ZC3H7B: variants seen among roughly 807,000 people sequenced by gnomAD.
ZC3H7B encodes zinc finger CCCH-type containing 7B.
A neutral mutation model predicts 116.0 loss-of-function variants in ZC3H7B; 35 were observed. The observed-to-expected ratio is 0.30, with a 90% CI of 0.23 to 0.40. ZC3H7B has a LOEUF of 0.40. Among genes scored for constraint, ZC3H7B ranks in the 10% least tolerant of loss-of-function variants. ZC3H7B has a pLI of 1.00. For synonymous variants in ZC3H7B, 502 were observed against 545.6 expected (o/e 0.92, Z 1.11); for missense variants, 1,011 against 1,321.5 (o/e 0.77, Z 3.64).
chr22:41,350,319 G>C (rs1024250446), intron 16 of ZC3H7B, among the ~76,000 whole-genome samples: 1 of 152,206 alleles, frequency 6.6e-6, no homozygotes, highest in African/African-American at 2.4e-5. Flanking sequence ...CCTTAAACAG[G>C]AACAACTGGG....
In ZC3H7B at chr22:41,349,963, G is replaced by A. The variant is rs1338922113; in HGVS notation, c.1948+662G>A. Among the ~76,000 whole-genome samples the A allele has an allele frequency of 6.6e-6, 1 of 152,190 alleles. No homozygotes were observed. The highest frequency in any genetic ancestry group is 1.5e-5 in the Non-Finnish European group (1 of 68,044). On this transcript the variant is annotated intron_variant, in intron 16 of 22. Coordinates refer to ENST00000352645, the MANE Select transcript of ZC3H7B (RefSeq NM_017590.6). This position sits in a 1 kb window ranked among gnomAD's most constrained non-coding sequence, Gnocchi z 4.9. The stretch of plus-strand genomic sequence containing the variant: ...TTTGTGGGGCGGGGATTTAAAATAT[G>A]GTACATATAACATTCAGTGTCTGCT...
At chr22:41,303,834 T>G (rs1018496158) in intron 1 of ZC3H7B, among the ~76,000 whole-genome samples, 1 of 152,194 alleles carries the variant, frequency 6.6e-6, no homozygotes, top group Admixed American at 6.5e-5. Flanking sequence ...CTTGGCTCAC[T>G]GCAAGCTCCG....
intron 10 of ZC3H7B, among the ~76,000 whole-genome samples, chr22:41,340,764 G>A (rs1459054654): frequency 6.6e-6 from 1 of 152,208 alleles, no homozygotes; most frequent in Non-Finnish European, 1.5e-5. Flanking sequence ...GGCATGGCGC[G>A]GGGCTGGCTG....
chr22:41,347,935 TC>T (rs758696227), intron 14 of ZC3H7B, 131 bp from the exon 15 acceptor site: 2 of 727,196 alleles, frequency 2.8e-6, no homozygotes, highest in Non-Finnish European at 4.8e-6. Flanking sequence ...GGGATTCCCT[TC>T]CTCACTCCTC....
Position 41,325,906 on chromosome 22 carries a change from C to A in ZC3H7B, c.273C>A (p.Cys91Ter). 6.2e-7 allele frequency: 1 copy of A among 1,606,606 alleles called. No individual in the cohort carries two copies. The highest frequency in any genetic ancestry group is 8.5e-7 in the Non-Finnish European group (1 of 1,177,538). The change falls in exon 4 of 23, where the codon TGC (cysteine) becomes TGA (stop). Residue 91 changes from cysteine to a stop codon, truncating the protein, a stop_gained. Coordinates refer to ENST00000352645, the MANE Select transcript of ZC3H7B (RefSeq NM_017590.6). LOFTEE classifies it high-confidence loss of function. ...LCKLHVNRAA[C>*]YFTMGLYEKA... The stretch of plus-strand genomic sequence containing the variant: ...AGCTGCATGTCAATAGGGCCGCCTG[C>A]TACTTCACCATGGTGAGCCTGGCAC...
rs1569227016 is a variant in ZC3H7B at position 41,301,620 on chromosome 22, G to GGGC, written c.-151_-149dup. On this transcript the variant is annotated 5_prime_UTR_variant, in exon 1 of 23. Coordinates refer to ENST00000352645, the MANE Select transcript of ZC3H7B (RefSeq NM_017590.6). ...CAGAGCCACATGGACGGAGCTGCCG[G>GGGC]GGCGGCGGCGCCGGGAGCAGGATGC... is the stretch of plus-strand genomic sequence containing the variant. 1.3e-5 allele frequency: 2 copies of GGGC among 152,280 alleles called. No homozygotes were observed. Among genetic ancestry groups the GGGC allele is most frequent in the African/African-American group, 2.4e-5 (1 of 41,468 alleles). 9.4% of individuals were successfully genotyped at this position (152,280 alleles called of 1,614,324 possible). A position where few individuals can be genotyped will look rare whatever the true frequency, so the allele number is the denominator to read the frequency against.
Position 41,338,087 on chromosome 22 carries a change from T to C in ZC3H7B, c.583-226T>C, listed in dbSNP as rs1174370342. Among the ~76,000 whole-genome samples the C allele has an allele frequency of 6.6e-6, 1 of 152,102 alleles. No homozygotes were observed. The highest frequency in any genetic ancestry group is 1.5e-5 in the Non-Finnish European group (1 of 68,020). The stretch of plus-strand genomic sequence containing the variant: ...TTCACCATGTTGGCCATGCTGGTCT[T>C]GAATTTCTGACCTCAGGTGATCCAC... On this transcript the variant is annotated intron_variant, in intron 7 of 22. Transcript: ENST00000352645. This position sits in a 1 kb window ranked among gnomAD's most constrained non-coding sequence, Gnocchi z 4.5.
rs2036707110 is a variant in ZC3H7B at position 41,355,853 on chromosome 22, G to A, written c.2265G>A (p.Gln755=). Residue 755 remains glutamine (Q), a synonymous_variant, in exon 19 of 23, where the codon CAG becomes CAA. Coordinates refer to ENST00000352645, the MANE Select transcript of ZC3H7B (RefSeq NM_017590.6). ...TGCCATCCATTCGTAACTTCCCACA[G>A]CAATACGATGTGAGCGCTGGGATGG... ...RPLPSIRNFP[Q]QYDLCIHAQN... 1 of 1,613,770 alleles carries A rather than the reference G, an allele frequency of 6.2e-7. No individual in the cohort carries two copies. The highest frequency in any genetic ancestry group is 8.5e-7 in the Non-Finnish European group (1 of 1,179,998).
At chr22:41,344,307 C>T (rs1258667936) in intron 13 of ZC3H7B, among the ~76,000 whole-genome samples, 15 of 152,186 alleles carry the variant, frequency 9.9e-5, no homozygotes, top group Non-Finnish European at 2.2e-4. Context: ...GCTCCTTGTC[C>T]TCCCAGCAGC....
At chr22:41,342,870 G>A (rs2036539473) in intron 12 of ZC3H7B, among the ~76,000 whole-genome samples, 1 of 152,168 alleles carries the variant, frequency 6.6e-6, no homozygotes, top group Admixed American at 6.6e-5. Flanking sequence ...AGTGAGGACG[G>A]TGGTAGAAAA....
chr22:41,324,445 T>C (rs1308787849), intron 2 of ZC3H7B, among the ~76,000 whole-genome samples: 2 of 152,252 alleles, frequency 1.3e-5, no homozygotes, highest in African/African-American at 4.8e-5. Flanking sequence ...CTGCATCCGA[T>C]GCCTTCCTGC....
rs968092652 is a variant in ZC3H7B, at chr22:41,345,442, G to A, written c.1460-561G>A. On this transcript the variant is annotated intron_variant, in intron 13 of 22. Coordinates refer to ENST00000352645, the MANE Select transcript of ZC3H7B (RefSeq NM_017590.6). The stretch of plus-strand genomic sequence containing the variant: ...CTTTACTAAAAATACAAAATTAGCC[G>A]GGCGTGGTGGCGGGTGCCTGTAATC... Among the ~76,000 whole-genome samples the A allele has an allele frequency of 6.6e-5, 10 of 152,078 alleles. No homozygotes were observed. In the East Asian group the frequency reaches 1.4e-3, roughly 21 times the overall value.
At position 41,338,838 on chromosome 22, in the gene ZC3H7B, C is replaced by G. The variant is rs73416815; in HGVS notation, c.626-163C>G. Among the ~76,000 whole-genome samples, 2,223 of 152,258 alleles carry G rather than the reference C, an allele frequency of 0.015. 61 individuals carry two copies. The highest frequency in any genetic ancestry group is 0.051 in the African/African-American group (2,135 of 41,532). ...GGGCTGTGGCCTTCCTTGACCACCC[C>G]CTGAGCATCTGCCAGTGGGATCAGC... On this transcript the variant is annotated intron_variant, in intron 8 of 22. Coordinates refer to ENST00000352645, the MANE Select transcript of ZC3H7B (RefSeq NM_017590.6). The surrounding 1 kb of genome is among the most constrained non-coding windows in gnomAD (Gnocchi z 4.5).
rs2036626121 is a variant in ZC3H7B at position 41,349,169 on chromosome 22, C to T, written c.1816C>T (p.Arg606Cys). The change falls in exon 16 of 23, where the codon CGC (arginine) becomes TGC (cysteine). Residue 606 changes from arginine to cysteine, a missense_variant. Physicochemically the swap from Arg to Cys is radical, Grantham distance 180. Transcript: ENST00000352645. This position sits in a 1 kb window ranked among gnomAD's most constrained non-coding sequence, Gnocchi z 4.9. Reference protein sequence around the residue: ...RSTSLKYSKIRQFQEHFQFDV... With the variant: ...RSTSLKYSKICQFQEHFQFDV... ...CACCTCCCTCAAGTACTCCAAGATC[C>T]GCCAGTTCCAGGAGCACTTCCAGTT... 10 of 1,613,748 alleles carry T rather than the reference C, an allele frequency of 6.2e-6. No individual in the cohort carries two copies. The highest frequency in any genetic ancestry group is 1.1e-5 in the South Asian group (1 of 91,088).
intron 13 of ZC3H7B, among the ~76,000 whole-genome samples, chr22:41,344,713 A>G (rs1378135370): frequency 6.6e-6 from 1 of 152,178 alleles, no homozygotes; most frequent in Non-Finnish European, 1.5e-5. Flanking sequence ...GAGGAGAAAG[A>G]AAAACAGGTC....
At chr22:41,317,982 C>T (rs1209508639) in intron 1 of ZC3H7B, among the ~76,000 whole-genome samples, 4 of 152,132 alleles carry the variant, frequency 2.6e-5, no homozygotes, top group Non-Finnish European at 4.4e-5. Flanking sequence ...TATTTTCCTG[C>T]CTGATGGGGA....
chr22:41,349,041 G>A lies in ZC3H7B; in HGVS notation c.1767-79G>A. 1 of 1,477,792 alleles carries A rather than the reference G, an allele frequency of 6.8e-7. No individual in the cohort carries two copies. The allele number at this position is 1,477,792 out of a possible 1,614,324, so 91.5% of individuals were successfully genotyped here. A position where few individuals can be genotyped will look rare whatever the true frequency, so the allele number is the denominator to read the frequency against. On this transcript the variant is annotated intron_variant, in intron 15 of 22. Transcript: ENST00000352645. The surrounding 1 kb of genome is among the most constrained non-coding windows in gnomAD (Gnocchi z 4.9). ...GGGTGCCCAGGGAGAGCCTGGCACT[G>A]GGAAGGTGGCCCTACCAGGAGAGAA...
At chr22:41,323,797 G>A (rs1009023199) in intron 2 of ZC3H7B, among the ~76,000 whole-genome samples, 9 of 152,216 alleles carry the variant, frequency 5.9e-5, no homozygotes, top group Non-Finnish European at 1.0e-4. Flanking sequence ...ACGGCCGGGC[G>A]CGGTGGCTCA....
chr22:41,316,819 C>T (rs897456985), intron 1 of ZC3H7B, among the ~76,000 whole-genome samples: 1 of 151,836 alleles, frequency 6.6e-6, no homozygotes, highest in Non-Finnish European at 1.5e-5. Context: ...GGATTACAGG[C>T]GTGTGCCACC....
Sources: allele counts gnomAD v4.1 joint callset (sites outside exome capture counted in the v4.1 genomes callset), GRCh38; gene constraint gnomAD v4.1.1; non-coding constraint Gnocchi (gnomAD v3.1); transcripts MANE v1.5; gene names NCBI Gene and HGNC (gene_info 2026-07-23, HGNC 2026-07-21).